The following TASP1 variants were observed in gnomAD, a reference collection of about 807,000 sequenced individuals.
The protein encoded by TASP1 is taspase 1, also known as threonine aspartase 1.
A neutral mutation model predicts 56.6 loss-of-function variants in TASP1; 16 were observed. The observed-to-expected ratio is 0.28, with a 90% CI of 0.19 to 0.43. TASP1 has a LOEUF of 0.43. Ranked by LOEUF, TASP1 falls within the 20% of genes least tolerant of loss-of-function variation. The pLI is 1.00. For synonymous variants in TASP1, 179 were observed against 184.2 expected, an observed-to-expected ratio of 0.97 and a Z score of 0.23; for missense variants, 393 against 511.6, an observed-to-expected ratio of 0.77 and a Z score of 2.24.
chr20:13,521,785 AAAATT>A (rs143120350), intron 10 of TASP1, among the ~76,000 whole-genome samples: 41,036 of 151,648 alleles, frequency 0.27, 6,206 homozygotes, highest in Non-Finnish European at 0.34. Context: ...GTATAATAAT[AAAATT>A]AAATTAAATT....
chr20:13,501,103 C>T (rs1242032557), intron 10 of TASP1, among the ~76,000 whole-genome samples: 1 of 151,952 alleles, frequency 6.6e-6, no homozygotes, highest in Non-Finnish European at 1.5e-5. Flanking sequence ...AAAGCCAACA[C>T]AGAATTCTCT....
the TASP1 span, chr20:13,299,273 C>T: frequency 1.9e-6 from 3 of 1,610,898 alleles, no homozygotes; most frequent in South Asian, 3.3e-5. This position sits in a 1 kb window ranked among gnomAD's most constrained non-coding sequence, Gnocchi z 5.8. Context: ...CGGGCACGCC[C>T]AACCTCATCA....
At chr20:13,601,311 C>G (rs889049551) in intron 4 of TASP1, among the ~76,000 whole-genome samples, 1 of 151,762 alleles carries the variant, frequency 6.6e-6, no homozygotes, top group Admixed American at 6.6e-5. Context: ...CCTGGAGCAT[C>G]TTATACTACC....
intron 4 of TASP1, among the ~76,000 whole-genome samples, chr20:13,590,677 C>A (rs1000899209): frequency 6.6e-6 from 1 of 151,870 alleles, no homozygotes; most frequent in African/African-American, 2.4e-5. Context: ...ACCAGCCTGG[C>A]CAACATGGTG....
the TASP1 span, chr20:13,298,837 C>A: frequency 8.8e-7 from 1 of 1,140,706 alleles, no homozygotes. Flanking sequence ...CTTTAGTGTC[C>A]TCCTGCGGGC....
At position 13,435,138 on chromosome 20, in the gene TASP1, G is replaced by A. The variant is rs890018507; in HGVS notation, c.1002C>T (p.Ala334=). The A allele has an allele frequency of 3.1e-6, 5 of 1,605,322 alleles. No individual in the cohort carries two copies. The highest frequency in any genetic ancestry group is 3.3e-4 in the Middle Eastern group (2 of 6,046). Residue 334 remains alanine (A), a synonymous_variant, in exon 12 of 14, where the codon GCC becomes GCT. Coordinates refer to ENST00000337743, the MANE Select transcript of TASP1 (RefSeq NM_017714.3). ...QNKFISSPFL[A]SEDGVLGGVI... The stretch of plus-strand genomic sequence containing the variant: ...CTCCGCCAAGCACGCCATCTTCACT[G>A]GCAAGGAAAGGTGAACCTAGGCAGA...
intron 8 of TASP1, among the ~76,000 whole-genome samples, chr20:13,553,605 A>G (rs1416469193): frequency 6.6e-6 from 1 of 152,248 alleles, no homozygotes; most frequent in Non-Finnish European, 1.5e-5. Context: ...ATGGATAATT[A>G]CTAAGAATTT....
chr20:13,117,577 T>C, the TASP1 span: 12 of 1,613,826 alleles, frequency 7.4e-6, no homozygotes, highest in African/African-American at 1.5e-4. Context: ...TACCTCTACA[T>C]AGATGAAGCT....
At chr20:13,431,109 A>G (rs1017183998) in intron 12 of TASP1, among the ~76,000 whole-genome samples, 5 of 152,184 alleles carry the variant, frequency 3.3e-5, no homozygotes, top group African/African-American at 1.2e-4. Context: ...AGTGATTAAC[A>G]ATACACAGCA....
the TASP1 span, among the ~76,000 whole-genome samples, chr20:13,364,071 A>G: frequency 6.6e-6 from 1 of 152,076 alleles, no homozygotes; most frequent in Non-Finnish European, 1.5e-5. Flanking sequence ...TGCATGCACT[A>G]AAAAAGAGGG....
At chr20:13,153,854 C>A in the TASP1 span, 1 of 1,040,788 alleles carries the variant, frequency 9.6e-7, no homozygotes, top group Non-Finnish European at 1.4e-6. Context: ...CACACCTGCT[C>A]CCCAGGAGAT....
chr20:13,457,720 T>C (rs1170028667), intron 11 of TASP1, among the ~76,000 whole-genome samples: 14 of 152,158 alleles, frequency 9.2e-5, no homozygotes, highest in Admixed American at 9.2e-4. Flanking sequence ...CTGGGAACTC[T>C]ACCTACAGAA....
intron 7 of TASP1, among the ~76,000 whole-genome samples, chr20:13,563,006 A>T (rs1401768791): frequency 7.0e-6 from 1 of 142,556 alleles, no homozygotes; most frequent in African/African-American, 2.5e-5. Flanking sequence ...ATACACACAC[A>T]TAGGTGTATA....
chr20:13,212,385 T>C, the TASP1 span, among the ~76,000 whole-genome samples: 2 of 152,202 alleles, frequency 1.3e-5, no homozygotes, highest in South Asian at 2.1e-4. Flanking sequence ...TGCTAAGCCA[T>C]TGGGCTTTGG....
chr20:13,208,984 A>G, the TASP1 span, among the ~76,000 whole-genome samples: 2 of 152,174 alleles, frequency 1.3e-5, no homozygotes, highest in East Asian at 1.9e-4. Context: ...TACCTCACCA[A>G]TGATGTTGGG....
the TASP1 span, among the ~76,000 whole-genome samples, chr20:13,153,619 G>A: frequency 1.3e-5 from 2 of 152,260 alleles, no homozygotes; most frequent in Non-Finnish European, 1.5e-5. Flanking sequence ...CTGCTATGAA[G>A]TGTGGGGGGT....
chr20:13,312,117 T>A, the TASP1 span, among the ~76,000 whole-genome samples: 1 of 152,190 alleles, frequency 6.6e-6, no homozygotes, highest in Non-Finnish European at 1.5e-5. Context: ...TGATACGAGT[T>A]AAATCTGAGT....
At chr20:13,486,589 A>C (rs765126957) in intron 10 of TASP1, among the ~76,000 whole-genome samples, 1 of 152,182 alleles carries the variant, frequency 6.6e-6, no homozygotes, top group East Asian at 1.9e-4. Context: ...CAATTTATGA[A>C]GGAATATTTT....
the TASP1 span, among the ~76,000 whole-genome samples, chr20:13,355,772 T>G: frequency 6.6e-6 from 1 of 152,206 alleles, no homozygotes; most frequent in Non-Finnish European, 1.5e-5. Context: ...GCTAGGGATC[T>G]GATGGTGGGG....
Sources: allele counts gnomAD v4.1 joint callset (sites outside exome capture counted in the v4.1 genomes callset), GRCh38; gene constraint gnomAD v4.1.1; non-coding constraint Gnocchi (gnomAD v3.1); transcripts MANE v1.5; gene names NCBI Gene and HGNC (gene_info 2026-07-23, HGNC 2026-07-21).